Variants in PHC2 observed in about 807,000 individuals in gnomAD.
PHC2 encodes polyhomeotic homolog 2.
In PHC2, 29 loss-of-function variants were observed where a neutral mutation model predicts 87.4. That is an observed-to-expected ratio of 0.33 (90% CI 0.25 to 0.45). PHC2 has a LOEUF of 0.45. Among genes scored for constraint, PHC2 ranks in the 20% least tolerant of loss-of-function variants. The probability of loss-of-function intolerance (pLI) is 1.00; values close to 1 mark genes in which losing one functional copy is unlikely to be tolerated. For missense variants in PHC2, 857 were observed against 1,136.7 expected, an observed-to-expected ratio of 0.75 and a Z score of 3.54; for synonymous variants, 438 against 461.7, an observed-to-expected ratio of 0.95 and a Z score of 0.66.
At chr1:33,354,338 G>T in intron 9 of PHC2, 63 bp downstream of exon 9, 2 of 1,469,548 alleles carry the variant, frequency 1.4e-6, no homozygotes, top group South Asian at 1.2e-5. Flanking sequence ...AGTGAAATGT[G>T]CCAGGGCATG....
chr1:33,348,962 G>T, intron 9 of PHC2: 1 of 660,798 alleles, frequency 1.5e-6, no homozygotes, highest in Non-Finnish European at 1.9e-6. Context: ...CTGACCTTGG[G>T]CCAATTATTT....
chr1:33,342,064 T>C (rs2148237709), intron 9 of PHC2, among the ~76,000 whole-genome samples: 1 of 152,302 alleles, frequency 6.6e-6, no homozygotes, highest in East Asian at 1.9e-4. Flanking sequence ...GTGGGGCTCT[T>C]TGCTGAGAAA....
At chr1:33,348,623 G>C (rs1047501740) in intron 9 of PHC2, among the ~76,000 whole-genome samples, 4 of 152,218 alleles carry the variant, frequency 2.6e-5, no homozygotes, top group African/African-American at 9.7e-5. Flanking sequence ...TAGGTAGGTA[G>C]CTTATTTTGC....
At chr1:33,376,509 C>T (rs1426109252) in intron 1 of PHC2, among the ~76,000 whole-genome samples, 1 of 152,246 alleles carries the variant, frequency 6.6e-6, no homozygotes, top group Admixed American at 6.5e-5. Flanking sequence ...TTCTCCCTAG[C>T]AGTGATCTCA....
chr1:33,340,481 G>A (rs1341746470), intron 9 of PHC2, among the ~76,000 whole-genome samples: 1 of 152,184 alleles, frequency 6.6e-6, no homozygotes, highest in East Asian at 1.9e-4. Context: ...GGAGACAGCA[G>A]CAAACACAGC....
chr1:33,363,967 CT>C, intron 7 of PHC2: 1 of 912,556 alleles, frequency 1.1e-6, no homozygotes. Context: ...AGCCCAACCT[CT>C]TAGGCTCTGT....
intron 14 of PHC2, among the ~76,000 whole-genome samples, chr1:33,328,127 A>T (rs1646411205): frequency 6.6e-6 from 1 of 152,124 alleles, no homozygotes; most frequent in Non-Finnish European, 1.5e-5. Context: ...ACTGGCAGAA[A>T]AACAGTAATG....
chr1:33,355,228 C>A lies in PHC2; in HGVS notation c.1002G>T (p.Gln334His). The A allele has an allele frequency of 6.3e-7, 1 of 1,586,526 alleles. No individual in the cohort carries two copies. Among genetic ancestry groups the A allele is most frequent in the Non-Finnish European group, 8.6e-7 (1 of 1,164,764 alleles). ...APAYAQLQPH[Q>H]LLPQPSSKHL... ...GCTTTGAGGATGGCTGTGGGAGGAG[C>A]TGGTGTGGCTGCAGCTGAGCATAGG... The change falls in exon 8 of 15, where the codon CAG (glutamine) becomes CAT (histidine). Residue 334 changes from glutamine (Q) to histidine (H), a missense_variant. By Grantham distance (24) the Gln-to-His change is conservative. Around this residue, in one of 3 missense-constraint regions of PHC2, gnomAD observed 832 missense variants for 1,081.8 expected, o/e 0.77. Coordinates refer to ENST00000683057, the MANE Select transcript of PHC2 (RefSeq NM_001385109.1).
chr1:33,327,685 G>A (rs1646400972), intron 14 of PHC2, among the ~76,000 whole-genome samples: 2 of 152,210 alleles, frequency 1.3e-5, no homozygotes, highest in African/African-American at 4.8e-5. Flanking sequence ...TACCTGTGGG[G>A]ACATCCCACT....
At chr1:33,326,561 G>A (rs374803343) in intron 14 of PHC2, among the ~76,000 whole-genome samples, 4 of 152,346 alleles carry the variant, frequency 2.6e-5, no homozygotes, top group South Asian at 4.1e-4. Flanking sequence ...TACCCTTGAA[G>A]ATAATTCTGG....
intron 1 of PHC2, among the ~76,000 whole-genome samples, chr1:33,380,244 G>T (rs905955991): frequency 2.6e-5 from 4 of 152,182 alleles, no homozygotes; most frequent in Admixed American, 2.6e-4. Context: ...CTCACCTGTT[G>T]TGCAATCATC....
intron 14 of PHC2, chr1:33,325,781 G>A: frequency 2.3e-6 from 1 of 431,844 alleles, no homozygotes; most frequent in Non-Finnish European, 4.7e-6. Flanking sequence ...GGTAACTAAT[G>A]CAGATTCTGG....
intron 1 of PHC2, among the ~76,000 whole-genome samples, chr1:33,423,316 T>C (rs575708443): frequency 6.6e-6 from 1 of 152,194 alleles, no homozygotes; most frequent in Non-Finnish European, 1.5e-5. Context: ...AGACACTGAA[T>C]GGTAGGCTTC....
chr1:33,375,363 T>G lies in PHC2; in HGVS notation c.174+3A>C, dbSNP rs1242157774. 6.4e-7 allele frequency: 1 copy of G among 1,568,066 alleles called. No individual in the cohort carries two copies. The highest frequency in any genetic ancestry group is 1.4e-5 in the African/African-American group (1 of 73,512). On this transcript the variant is annotated splice_donor_region_variant and intron_variant, in intron 2 of 14. Coordinates refer to ENST00000683057, the MANE Select transcript of PHC2 (RefSeq NM_001385109.1). ...ATAATTCCCAGATCAATTAGACTCTTACCTGCACGGTCTGCCGGTCTGGAA... is the reference window on the plus strand; with the variant it reads ...ATAATTCCCAGATCAATTAGACTCTGACCTGCACGGTCTGCCGGTCTGGAA...
chr1:33,430,378 G>A (rs1373455041), intron 1 of PHC2, among the ~76,000 whole-genome samples: 1 of 152,174 alleles, frequency 6.6e-6, no homozygotes, highest in Non-Finnish European at 1.5e-5. Context: ...AGCAACCCCC[G>A]GTTCCCTCTG....
At chr1:33,374,148 G>A (rs1319150866) in intron 2 of PHC2, among the ~76,000 whole-genome samples, 1 of 152,090 alleles carries the variant, frequency 6.6e-6, no homozygotes, top group African/African-American at 2.4e-5. Context: ...TCCTGAAAGT[G>A]ACCTCCCCAG....
At chr1:33,336,133 C>T (rs567447795) in intron 9 of PHC2, among the ~76,000 whole-genome samples, 51 of 151,968 alleles carry the variant, frequency 3.4e-4, no homozygotes, top group Non-Finnish European at 6.3e-4. Context: ...GGATTACAGG[C>T]ACGTACCACC....
At chr1:33,384,709 TC>T (rs1226795748) in intron 1 of PHC2, among the ~76,000 whole-genome samples, 2 of 152,216 alleles carry the variant, frequency 1.3e-5, no homozygotes, top group African/African-American at 4.8e-5. Context: ...TAACGTCTGT[TC>T]CTCTTAGGGA....
rs931870127 is a variant in PHC2, at chr1:33,331,866, C to T, written c.1892-404G>A. Among the ~76,000 whole-genome samples, 1 of 152,272 alleles carries T rather than the reference C, an allele frequency of 6.6e-6. No homozygotes were observed. Among genetic ancestry groups the T allele is most frequent in the Non-Finnish European group, 1.5e-5 (1 of 68,052 alleles). On this transcript the variant is annotated intron_variant, in intron 11 of 14. Coordinates refer to ENST00000683057, the MANE Select transcript of PHC2 (RefSeq NM_001385109.1). The surrounding 1 kb of genome is among the most constrained non-coding windows in gnomAD (Gnocchi z 5.2). ...CAGTAAAAGACCTCAGGAGCCCACG[C>T]TCCTGCAGCTGTGCAGCTCTGTCAG...
Sources: gnomAD v4.1 joint callset for allele counts (sites outside exome capture counted in the v4.1 genomes callset) on GRCh38, gnomAD v4.1.1 for gene constraint, gnomAD v4.1.1 regional missense constraint, Gnocchi (gnomAD v3.1) non-coding constraint, MANE v1.5 for transcripts, NCBI Gene and HGNC (gene_info 2026-07-23, HGNC 2026-07-21) for gene names.